TMEM201: variants seen among roughly 807,000 people sequenced by gnomAD.
TMEM201 encodes transmembrane protein 201.
TMEM201 carries 26 observed loss-of-function variants against 63.4 expected under a neutral mutation model. The observed-to-expected ratio is 0.41, with a 90% CI of 0.30 to 0.57. The LOEUF is 0.57. Ranked by LOEUF, TMEM201 falls within the 20% of genes least tolerant of loss-of-function variation. The probability of loss-of-function intolerance (pLI) is 0.29; values close to 1 mark genes in which losing one functional copy is unlikely to be tolerated. For missense variants in TMEM201, 794 were observed against 917.7 expected (o/e 0.87, Z 1.74); for synonymous variants, 417 against 421.6 (o/e 0.99, Z 0.14).
rs1644265398 is a variant in TMEM201, at chr1:9,607,639, G to C, written c.1243G>C (p.Ala415Pro). The C allele has an allele frequency of 6.4e-7, 1 of 1,551,854 alleles. No homozygotes were observed. The highest frequency in any genetic ancestry group is 1.2e-5 in the South Asian group (1 of 84,056). The change falls in exon 7 of 11, where the codon GCG becomes CCG. Residue 415 changes from alanine (A) to proline (P), a missense_variant. Transcript: ENST00000340381. The surrounding 1 kb of genome is among the most constrained non-coding windows in gnomAD (Gnocchi z 5.4). The part of the protein sequence containing the change: ...IPHPSVGGSP[A>P]SLFIPSPPSF... ...TCACCCGAGTGTCGGAGGCTCTCCA[G>C]CGTCTCTGTTCATCCCCAGCCCGCC...
chr1:9,596,263 T>A (rs1644018368), intron 2 of TMEM201, among the ~76,000 whole-genome samples: 1 of 152,218 alleles, frequency 6.6e-6, no homozygotes, highest in Non-Finnish European at 1.5e-5. Context: ...TGTCCAAGGT[T>A]ACACCACTAA....
chr1:9,603,843 T>C lies in TMEM201; in HGVS notation c.1160+1571T>C. On this transcript the variant is annotated intron_variant, in intron 6 of 10. Coordinates refer to ENST00000340381, the MANE Select transcript of TMEM201 (RefSeq NM_001130924.3). This position sits in a 1 kb window ranked among gnomAD's most constrained non-coding sequence, Gnocchi z 4.5. ...CTCTGTGCCCGATGACCTGCGTGGC[T>C]TCAGACAAGGCCCCAGCGTTACTGG... 1.0e-6 allele frequency: 1 copy of C among 985,472 alleles called. No individual in the cohort carries two copies. Among genetic ancestry groups the C allele is most frequent in the Non-Finnish European group, 1.2e-6 (1 of 829,938 alleles). The allele number at this position is 985,472 out of a possible 1,614,324, so 61.0% of individuals were successfully genotyped here. A position where few individuals can be genotyped will look rare whatever the true frequency, so the allele number is the denominator to read the frequency against.
In TMEM201 at chr1:9,607,695, C is replaced by A; in HGVS notation, c.1299C>A (p.Leu433=). 6 of 1,552,018 alleles carry A rather than the reference C, an allele frequency of 3.9e-6. No homozygotes were observed. The highest frequency in any genetic ancestry group is 5.2e-6 in the Non-Finnish European group (6 of 1,147,108). Residue 433 remains leucine (L), a synonymous_variant, in exon 7 of 11, where the codon CTC becomes CTA. Transcript: ENST00000340381. This position sits in a 1 kb window ranked among gnomAD's most constrained non-coding sequence, Gnocchi z 5.4. ...TCCTGCCCCTCGCCAACCAGCAGCT[C>A]TTCCGGTCTCCTCGACGGACCTCAC... ...PSFLPLANQQ[L]FRSPRRTSPS...
intron 4 of TMEM201, among the ~76,000 whole-genome samples, chr1:9,600,120 A>G (rs996427815): frequency 2.0e-5 from 3 of 152,132 alleles, no homozygotes; most frequent in Admixed American, 6.6e-5. Context: ...CCACATATCA[A>G]TCAGACCCAG....
In TMEM201 at chr1:9,602,081, C is replaced by G. The variant is rs781081301; in HGVS notation, c.969C>G (p.Ile323Met). ...GCTTCCCTTTCAGGCTCCGGAGGAT[C>G]GATGCCTTCTGCACCTGCCTGTGGG... ...LLAGRIRLRRIDAFCTCLWAL... is the reference protein window; with the variant it reads ...LLAGRIRLRRMDAFCTCLWAL... Residue 323 changes from isoleucine to methionine, a missense_variant, in exon 6 of 11, where the codon ATC (isoleucine) becomes ATG (methionine). By Grantham distance (10) the Ile-to-Met change is conservative. Coordinates refer to ENST00000340381, the MANE Select transcript of TMEM201 (RefSeq NM_001130924.3). 1.4e-5 allele frequency: 22 copies of G among 1,611,712 alleles called. No homozygotes were observed. The South Asian group carries it at 2.2e-4, about 16-fold the overall frequency.
Position 9,614,585 on chromosome 1 carries a change from G to A in TMEM201, c.*1502G>A, listed in dbSNP as rs1644365384. 1 of 152,092 alleles carries A rather than the reference G, an allele frequency of 6.6e-6. No homozygotes were observed. The highest frequency in any genetic ancestry group is 2.4e-5 in the African/African-American group (1 of 41,424). 9.4% of individuals were successfully genotyped at this position (152,092 alleles called of 1,614,324 possible). On this transcript the variant is annotated 3_prime_UTR_variant, in exon 11 of 11. Transcript: ENST00000340381. ...TTCCAACTCGGAGGCAGCGCCTCTTGGTCCCCATTTCTGTATAGCAGGCGT... is the reference window on the plus strand; with the variant it reads ...TTCCAACTCGGAGGCAGCGCCTCTTAGTCCCCATTTCTGTATAGCAGGCGT...
Position 9,610,539 on chromosome 1 carries a change from C to T in TMEM201, c.1499C>T (p.Ser500Phe), listed in dbSNP as rs979937677. 1.9e-6 allele frequency: 3 copies of T among 1,542,286 alleles called. No individual in the cohort carries two copies. The African/African-American group carries it at 4.1e-5, about 21-fold the overall frequency. ...TCTCTTCTGTCGGGGAGCTGCCCCTCCTCCCCACTCCCTTCCCCAGCGCCT... is the reference window on the plus strand; with the variant it reads ...TCTCTTCTGTCGGGGAGCTGCCCCTTCTCCCCACTCCCTTCCCCAGCGCCT... ...YFSLLSGSCP[S>F]SPLPSPAPSV... is the part of the protein sequence containing the mutation. The change falls in exon 9 of 11, where the codon TCC (serine) becomes TTC (phenylalanine). Residue 500 changes from serine to phenylalanine, a missense_variant. Coordinates refer to ENST00000340381, the MANE Select transcript of TMEM201 (RefSeq NM_001130924.3). The surrounding 1 kb of genome is among the most constrained non-coding windows in gnomAD (Gnocchi z 4.9).
rs1284316060 is a variant in TMEM201, at chr1:9,596,758, T to C, written c.235-101T>C. The stretch of plus-strand genomic sequence containing the variant: ...AAAAAGAATGGAGATGTTTGAGATC[T>C]ACCATCACTTGCCTGGAGCGGGGCG... On this transcript the variant is annotated intron_variant, in intron 2 of 10. Transcript: ENST00000340381. 4.2e-6 allele frequency: 5 copies of C among 1,185,922 alleles called. No homozygotes were observed. The East Asian group carries it at 1.2e-4, about 29-fold the overall frequency. 73.5% of individuals were successfully genotyped at this position (1,185,922 alleles called of 1,614,324 possible).
intron 10 of TMEM201, among the ~76,000 whole-genome samples, chr1:9,612,485 A>G (rs911015043): frequency 6.6e-6 from 1 of 152,232 alleles, no homozygotes; most frequent in Non-Finnish European, 1.5e-5. Flanking sequence ...ATCAGCAAGC[A>G]GGGCTTTTCC....
At chr1:9,589,106 G>A in intron 1 of TMEM201, 63 bp downstream of exon 1, 2 of 755,842 alleles carry the variant, frequency 2.6e-6, no homozygotes, top group Non-Finnish European at 3.2e-6. Context: ...CCCCCGCGCC[G>A]CCCCGGCCCG....
intron 1 of TMEM201, among the ~76,000 whole-genome samples, chr1:9,594,949 GGGAGT>G (rs1643988905): frequency 6.6e-6 from 1 of 152,248 alleles, no homozygotes; most frequent in Non-Finnish European, 1.5e-5. Flanking sequence ...CGTCTGTGCA[GGGAGT>G]GGCTGCCCAC....
rs940569357 is a variant in TMEM201 at position 9,604,701 on chromosome 1, C to A, written c.1160+2429C>A. 4.7e-5 allele frequency: 46 copies of A among 985,852 alleles called. No homozygotes were observed. The highest frequency in any genetic ancestry group is 5.5e-5 in the Non-Finnish European group (46 of 830,050). 61.1% of individuals were successfully genotyped at this position (985,852 alleles called of 1,614,324 possible). ...GGTCCCCACCCAGGCCAAGCCGGCC[C>A]CCCGTACCCCTTGCCTGGGAGCAAA... On this transcript the variant is annotated intron_variant, in intron 6 of 10. Transcript: ENST00000340381. The surrounding 1 kb of genome is among the most constrained non-coding windows in gnomAD (Gnocchi z 4.1).
Position 9,604,840 on chromosome 1 carries a change from T to A in TMEM201, c.1160+2568T>A, listed in dbSNP as rs1644213843. 1 of 985,990 alleles carries A rather than the reference T, an allele frequency of 1.0e-6. No homozygotes were observed. Among genetic ancestry groups the A allele is most frequent in the Non-Finnish European group, 1.2e-6 (1 of 830,004 alleles). The allele number at this position is 985,990 out of a possible 1,614,324, so 61.1% of individuals were successfully genotyped here. ...GAGTCTCTGTCTCATGTCGTAGAAT[T>A]GTGGATAATTGTCTAGTGACCCTCT... On this transcript the variant is annotated intron_variant, in intron 6 of 10. Transcript: ENST00000340381. The surrounding 1 kb of genome is among the most constrained non-coding windows in gnomAD (Gnocchi z 4.1).
rs1294105937 is a variant in TMEM201 at position 9,601,317 on chromosome 1, G to A, written c.819G>A (p.Gln273=). Residue 273 remains glutamine, a synonymous_variant, in exon 5 of 11, where the codon CAG becomes CAA. Transcript: ENST00000340381. ...GTTPGAEGWR[Q]LLGLLPEHMA... The stretch of plus-strand genomic sequence containing the variant: ...CCCCTGGGGCCGAGGGCTGGCGGCA[G>A]TTGCTGGGCCTACTCCCCGAGCACA... 3.1e-6 allele frequency: 5 copies of A among 1,609,544 alleles called. No individual in the cohort carries two copies. The South Asian group carries it at 5.5e-5, about 18-fold the overall frequency.
intron 1 of TMEM201, 102 bp downstream of exon 1, chr1:9,589,145 C>A: frequency 2.3e-6 from 1 of 436,228 alleles, no homozygotes; most frequent in Non-Finnish European, 3.0e-6. Context: ...ACCCGGGCTG[C>A]CCGCGGGCGC....
In TMEM201 at chr1:9,607,874, G is replaced by T. The variant is rs1644270010; in HGVS notation, c.1393+85G>T. ...TGGATGGGTACATAGTGTAGGGAGG[G>T]CCGGGAGTGGTTAGTGTTCCTGCTG... On this transcript the variant is annotated intron_variant, in intron 7 of 10. Coordinates refer to ENST00000340381, the MANE Select transcript of TMEM201 (RefSeq NM_001130924.3). This position sits in a 1 kb window ranked among gnomAD's most constrained non-coding sequence, Gnocchi z 5.4. The T allele has an allele frequency of 3.1e-6, 4 of 1,296,980 alleles. No homozygotes were observed. Among genetic ancestry groups the T allele is most frequent in the Non-Finnish European group, 4.2e-6 (4 of 946,034 alleles). The allele number at this position is 1,296,980 out of a possible 1,614,324, so 80.3% of individuals were successfully genotyped here. A position where few individuals can be genotyped will look rare whatever the true frequency, so the allele number is the denominator to read the frequency against.
At chr1:9,594,039 C>T (rs114888788) in intron 1 of TMEM201, among the ~76,000 whole-genome samples, 1,757 of 152,350 alleles carry the variant, frequency 0.012, 31 homozygotes, top group African/African-American at 0.039. Context: ...AGTCGGCGCC[C>T]GGTGGCGCTG....
Position 9,605,846 on chromosome 1 carries a change from C to G in TMEM201, c.1161-1711C>G, listed in dbSNP as rs1644233208. Among the ~76,000 whole-genome samples, 1 of 152,212 alleles carries G rather than the reference C, an allele frequency of 6.6e-6. No homozygotes were observed. The highest frequency in any genetic ancestry group is 2.1e-4 in the South Asian group (1 of 4,834). On this transcript the variant is annotated intron_variant, in intron 6 of 10. Coordinates refer to ENST00000340381, the MANE Select transcript of TMEM201 (RefSeq NM_001130924.3). This position sits in a 1 kb window ranked among gnomAD's most constrained non-coding sequence, Gnocchi z 5.7. ...AGAGCCCACCCTTTGGGGCCAGGAG[C>G]TGCGTGGCCCAGCTGACCACCTCAT...
chr1:9,611,730 G>A (rs1271379941), intron 9 of TMEM201, 23 bp from the exon 10 acceptor site: 8 of 1,551,232 alleles, frequency 5.2e-6, no homozygotes, highest in South Asian at 1.2e-5. Flanking sequence ...GCGCCACTGA[G>A]AAACACACCC....
Sources: allele counts gnomAD v4.1 joint callset (sites outside exome capture counted in the v4.1 genomes callset), GRCh38; gene constraint gnomAD v4.1.1; non-coding constraint Gnocchi (gnomAD v3.1); transcripts MANE v1.5; gene names NCBI Gene and HGNC (gene_info 2026-07-23, HGNC 2026-07-21).